Variants in MAPK10 observed in about 807,000 individuals in gnomAD.
MAPK10 encodes mitogen-activated protein kinase 10.
A neutral mutation model predicts 59.3 loss-of-function variants in MAPK10; 25 were observed. That is an observed-to-expected ratio of 0.42 (90% confidence interval 0.31 to 0.59). The LOEUF (loss-of-function observed/expected upper bound fraction) is 0.59. Ranked by LOEUF, MAPK10 falls within the 20% of genes least tolerant of loss-of-function variation. The probability of loss-of-function intolerance (pLI) is 0.15; values close to 1 mark genes in which losing one functional copy is unlikely to be tolerated. For synonymous variants in MAPK10, 190 were observed against 200.5 expected, an observed-to-expected ratio of 0.95 and a Z score of 0.44; for missense variants, 351 against 568.9, an observed-to-expected ratio of 0.62 and a Z score of 3.90.
chr4:86,484,725 TTA>T (rs1753857173), intron 1 of MAPK10, among the ~76,000 whole-genome samples: 2 of 148,824 alleles, frequency 1.3e-5, no homozygotes, highest in African/African-American at 2.5e-5. Flanking sequence ...GTGGGTATTA[TTA>T]TGTTTATTTT....
chr4:86,329,988 C>T (rs2096116392), intron 2 of MAPK10, among the ~76,000 whole-genome samples: 1 of 151,998 alleles, frequency 6.6e-6, no homozygotes, highest in South Asian at 2.1e-4. Context: ...ATTTTATGTC[C>T]CTAATTCAGG....
intron 1 of MAPK10, among the ~76,000 whole-genome samples, chr4:86,431,702 T>A (rs1287298415): frequency 1.3e-5 from 2 of 151,370 alleles, no homozygotes; most frequent in African/African-American, 4.9e-5. Context: ...AAGGGAGGAG[T>A]AAAGGAAACA....
chr4:86,130,656 T>C (rs1204996992), intron 4 of MAPK10, among the ~76,000 whole-genome samples: 2 of 152,146 alleles, frequency 1.3e-5, no homozygotes, highest in Admixed American at 6.6e-5. Flanking sequence ...TGTTAGTCCA[T>C]GGTAAATGTG....
intron 1 of MAPK10, among the ~76,000 whole-genome samples, chr4:86,554,410 T>A (rs1578101954): frequency 1.3e-5 from 2 of 152,140 alleles, no homozygotes; most frequent in African/African-American, 2.4e-5. Flanking sequence ...ATACATTTTT[T>A]AAAAAAGAAG....
intron 2 of MAPK10, among the ~76,000 whole-genome samples, chr4:86,316,876 C>A (rs907785219): frequency 4.6e-5 from 7 of 151,528 alleles, no homozygotes; most frequent in Admixed American, 2.6e-4. Flanking sequence ...AAATGCCCAC[C>A]TTATGCTTCA....
intron 3 of MAPK10, among the ~76,000 whole-genome samples, chr4:86,163,215 A>G (rs2070425278): frequency 6.6e-6 from 1 of 152,146 alleles, no homozygotes; most frequent in South Asian, 2.1e-4. Flanking sequence ...CAAAAATTTG[A>G]TAGCAAATAT....
chr4:86,464,571 C>T (rs1752026394), intron 1 of MAPK10, among the ~76,000 whole-genome samples: 1 of 151,994 alleles, frequency 6.6e-6, no homozygotes, highest in Admixed American at 6.6e-5. Context: ...CCTGTAATCC[C>T]AGCACTTTCG....
In MAPK10 at chr4:86,245,764, A is replaced by G. The variant is rs142548922; in HGVS notation, c.-6-51357T>C. ...TTTGATTGAAGTTTAAAATGCCTCT[A>G]AAACCAGTTCTGCCACCAACTGTAC... On this transcript the variant is annotated intron_variant, in intron 2 of 13. Coordinates refer to ENST00000641462, the MANE Select transcript of MAPK10 (RefSeq NM_138982.4). 1.5e-4 allele frequency among the ~76,000 whole-genome samples: 23 copies of G among 152,320 alleles called. No homozygotes were observed. In the East Asian group the frequency reaches 4.4e-3, roughly 29 times the overall value.
intron 2 of MAPK10, among the ~76,000 whole-genome samples, chr4:86,243,077 G>A (rs1379518005): frequency 6.6e-6 from 1 of 152,198 alleles, no homozygotes; most frequent in South Asian, 2.1e-4. Flanking sequence ...CCCCTTCCCC[G>A]TGTGGGTCTT....
chr4:86,557,676 A>G (rs1256083787), intron 1 of MAPK10, among the ~76,000 whole-genome samples: 1 of 152,080 alleles, frequency 6.6e-6, no homozygotes, highest in Non-Finnish European at 1.5e-5. Context: ...GTTTCAGCCA[A>G]AAGTAGGCAA....
At chr4:86,540,562 A>G (rs984609319) in intron 1 of MAPK10, among the ~76,000 whole-genome samples, 1 of 152,184 alleles carries the variant, frequency 6.6e-6, no homozygotes, top group African/African-American at 2.4e-5. Context: ...ATAAAAACGA[A>G]CATGATTGGA....
chr4:86,512,387 G>A (rs777841666), intron 1 of MAPK10, among the ~76,000 whole-genome samples: 2 of 152,098 alleles, frequency 1.3e-5, no homozygotes, highest in Non-Finnish European at 2.9e-5. Context: ...ATTTGAGAAC[G>A]TGCATAGAAT....
intron 7 of MAPK10, 174 bp from the exon 8 acceptor site, chr4:86,101,391 G>T: frequency 3.8e-6 from 2 of 524,338 alleles, no homozygotes; most frequent in South Asian, 3.2e-5. Context: ...TTAGTTTTTG[G>T]AAAGTGTTTT....
intron 1 of MAPK10, among the ~76,000 whole-genome samples, chr4:86,481,037 C>G (rs1051357753): frequency 1.3e-5 from 2 of 152,162 alleles, no homozygotes; most frequent in Non-Finnish European, 2.9e-5. Flanking sequence ...AGGTATAGGA[C>G]AAGACCTCTA....
chr4:86,279,221 T>C (rs767838229), intron 2 of MAPK10, among the ~76,000 whole-genome samples: 6 of 152,198 alleles, frequency 3.9e-5, no homozygotes, highest in Non-Finnish European at 8.8e-5. Flanking sequence ...GTGCACAGTT[T>C]ATCATTATAC....
At chr4:86,370,817 T>C (rs1187932814) in intron 1 of MAPK10, 2 of 152,318 alleles carry the variant, frequency 1.3e-5, no homozygotes. Flanking sequence ...TCTGTCGACA[T>C]GTTTCTTCAT....
At chr4:86,103,134 T>G in intron 6 of MAPK10, 52 bp downstream of exon 6, 1 of 1,075,996 alleles carries the variant, frequency 9.3e-7, no homozygotes. Flanking sequence ...GATTTTCCCT[T>G]GGGCTATCTG....
chr4:86,584,579 G>A (rs1762534725), intron 1 of MAPK10, among the ~76,000 whole-genome samples: 2 of 152,032 alleles, frequency 1.3e-5, no homozygotes, highest in African/African-American at 4.8e-5. Context: ...AAGTTGCTGG[G>A]ACTATAGGTG....
chr4:86,324,577 C>G (rs1448744405), intron 2 of MAPK10, among the ~76,000 whole-genome samples: 1 of 152,170 alleles, frequency 6.6e-6, no homozygotes, highest in Non-Finnish European at 1.5e-5. Context: ...AGTCTTATCT[C>G]TCCTTCCTCT....
Sources: allele counts gnomAD v4.1 joint callset (sites outside exome capture counted in the v4.1 genomes callset), GRCh38; gene constraint gnomAD v4.1.1; transcripts MANE v1.5; gene names NCBI Gene and HGNC (gene_info 2026-07-23, HGNC 2026-07-21).